Variants in CARF observed in about 807,000 individuals in gnomAD.
CARF encodes calcium-responsive transcription factor.
In CARF, 57 loss-of-function variants were observed where a neutral mutation model predicts 82.0. That is an observed-to-expected ratio of 0.70 (90% CI 0.56 to 0.87). The LOEUF is 0.87. Ranked by LOEUF, CARF falls within the 40% of genes least tolerant of loss-of-function variation. The pLI is 0.00. For synonymous variants in CARF, 268 were observed against 290.1 expected, an observed-to-expected ratio of 0.92 and a Z score of 0.77; for missense variants, 771 against 855.8, an observed-to-expected ratio of 0.90 and a Z score of 1.24.
At chr2:202,983,256 C>G (rs976842917) in intron 16 of CARF, among the ~76,000 whole-genome samples, 8 of 152,086 alleles carry the variant, frequency 5.3e-5, no homozygotes, top group African/African-American at 1.9e-4. Context: ...AGCCCAAGAC[C>G]TTCTTACCTT....
At chr2:202,974,233 C>A in intron 12 of CARF, 101 bp from the exon 13 acceptor site, 1 of 797,178 alleles carries the variant, frequency 1.3e-6, no homozygotes, top group Non-Finnish European at 1.9e-6. Context: ...ATAAACCATA[C>A]TTTATAGAAG....
chr2:202,979,373 C>A (rs975392750), intron 14 of CARF, among the ~76,000 whole-genome samples: 4 of 152,032 alleles, frequency 2.6e-5, no homozygotes, highest in Non-Finnish European at 5.9e-5. Context: ...TGGTGGGTGA[C>A]TACAGCAGTG....
intron 3 of CARF, 84 bp downstream of exon 3, chr2:202,924,499 T>C (rs1020133934): frequency 6.6e-6 from 1 of 152,202 alleles, no homozygotes; most frequent in Non-Finnish European, 1.5e-5. Context: ...TTTCTCTTGA[T>C]GTATTGATAT....
intron 5 of CARF, among the ~76,000 whole-genome samples, chr2:202,948,210 A>G (rs1049565667): frequency 1.2e-4 from 18 of 151,986 alleles, no homozygotes; most frequent in Admixed American, 6.6e-4. Context: ...CCATTGGTCT[A>G]TATGTCTGTT....
At chr2:202,957,579 T>C (rs1424674219) in intron 8 of CARF, among the ~76,000 whole-genome samples, 2 of 152,218 alleles carry the variant, frequency 1.3e-5, no homozygotes, top group Non-Finnish European at 2.9e-5. Flanking sequence ...ACATGTCTTT[T>C]CTATAAATTA....
rs892719743 is a variant in CARF, at chr2:202,954,784, C to T, written c.557+650C>T. On this transcript the variant is annotated intron_variant, in intron 7 of 16. Transcript: ENST00000438828. The stretch of plus-strand genomic sequence containing the variant: ...CAACACTTTAGAATGCCAAGGCAGG[C>T]GGATCACGAGGTCAGGAGATTGAGA... Among the ~76,000 whole-genome samples the T allele has an allele frequency of 2.3e-4, 34 of 148,678 alleles. 1 individual carries two copies. Among genetic ancestry groups the T allele is most frequent in the Admixed American group, 8.1e-4 (12 of 14,742 alleles).
At chr2:202,942,706 T>C in intron 4 of CARF, 34 bp from the exon 5 acceptor site, 1 of 1,458,332 alleles carries the variant, frequency 6.9e-7, no homozygotes, top group African/African-American at 1.4e-5. Context: ...AAAATGGTGA[T>C]AGACTGAAGT....
chr2:202,944,083 G>A (rs926672072), intron 5 of CARF, among the ~76,000 whole-genome samples: 2 of 152,168 alleles, frequency 1.3e-5, no homozygotes, highest in African/African-American at 4.8e-5. Context: ...ACATATCCTT[G>A]CTGATCTTTG....
Position 202,986,887 on chromosome 2 carries a change from T to TACAC in CARF, c.*3264_*3265insCACA, listed in dbSNP as rs1553584600. On this transcript the variant is annotated 3_prime_UTR_variant, in exon 17 of 17. Transcript: ENST00000438828. ...CTGTGCGTATATATATATATATATA[T>TACAC]ATATATATATATATATATATAGCAA... 13 of 89,550 alleles carry TACAC rather than the reference T, an allele frequency of 1.5e-4. No individual in the cohort carries two copies. The highest frequency in any genetic ancestry group is 5.7e-4 in the Admixed American group (5 of 8,720). 5.5% of individuals were successfully genotyped at this position (89,550 alleles called of 1,614,324 possible).
chr2:202,966,670 A>C (rs1158564448), intron 9 of CARF, among the ~76,000 whole-genome samples: 2 of 152,122 alleles, frequency 1.3e-5, no homozygotes, highest in Admixed American at 6.5e-5. Context: ...AGATTGCGCC[A>C]CTGTGCTCCA....
At chr2:202,932,050 A>T (rs1693036520) in intron 3 of CARF, among the ~76,000 whole-genome samples, 1 of 152,126 alleles carries the variant, frequency 6.6e-6, no homozygotes, top group African/African-American at 2.4e-5. Context: ...TGGAAGGCAA[A>T]GGGGGAACCA....
At chr2:202,962,129 C>G (rs2059347134) in intron 9 of CARF, 1 of 152,120 alleles carries the variant, frequency 6.6e-6, no homozygotes, top group South Asian at 2.1e-4. Context: ...ACCACTTCTG[C>G]CTGAGTTTCA....
At position 202,952,680 on chromosome 2, in the gene CARF, G is replaced by A. The variant is rs1012716444; in HGVS notation, c.427+1G>A. 1.9e-6 allele frequency: 3 copies of A among 1,610,688 alleles called. No individual in the cohort carries two copies. The highest frequency in any genetic ancestry group is 1.3e-5 in the African/African-American group (1 of 74,822). ...CTTGTGGATGTGAATAGTCCTCGGG[G>A]TGAGTAACAACGGGATATAGGGGAT... On this transcript the variant is annotated splice_donor_variant, in intron 6 of 16. Transcript: ENST00000438828. LOFTEE classifies it high-confidence loss of function.
rs888854170 is a variant in CARF at position 202,929,505 on chromosome 2, TTTTG to T, written c.-44+5106_-44+5109del. 7.2e-5 allele frequency among the ~76,000 whole-genome samples: 11 copies of T among 152,154 alleles called. No individual in the cohort carries two copies. The East Asian group carries it at 1.7e-3, about 24-fold the overall frequency. On this transcript the variant is annotated intron_variant, in intron 3 of 16. Transcript: ENST00000438828. ...AATCAATTGGCTGTAAGTGCGTAGA[TTTTG>T]TTTGTTTGTTTGTTTTCTATTCTCT...
intron 9 of CARF, among the ~76,000 whole-genome samples, chr2:202,966,421 A>G (rs1297498094): frequency 1.3e-5 from 2 of 152,242 alleles, no homozygotes; most frequent in Non-Finnish European, 2.9e-5. Flanking sequence ...TATAAAAACC[A>G]TATGTCAGGT....
At chr2:202,927,827 C>T (rs1333585755) in intron 3 of CARF, among the ~76,000 whole-genome samples, 2 of 146,766 alleles carry the variant, frequency 1.4e-5, no homozygotes, top group African/African-American at 2.5e-5. Context: ...GAGACAGGGT[C>T]TCACTCTTGT....
At chr2:202,961,656 C>T in intron 9 of CARF, 1 of 497,994 alleles carries the variant, frequency 2.0e-6, no homozygotes, top group South Asian at 3.7e-5. Context: ...ATATATTATA[C>T]TGAAAAATAA....
intron 1 of CARF, among the ~76,000 whole-genome samples, chr2:202,915,296 T>C (rs775228399): frequency 3.9e-5 from 6 of 151,936 alleles, no homozygotes; most frequent in Non-Finnish European, 7.4e-5. Context: ...ATTACAGGCG[T>C]GAGCCACTGT....
In CARF at chr2:202,961,275, G is replaced by A. The variant is rs1208490076; in HGVS notation, c.681G>A (p.Glu227=). The A allele has an allele frequency of 2.5e-6, 4 of 1,614,034 alleles. No homozygotes were observed. Among genetic ancestry groups the A allele is most frequent in the Admixed American group, 3.3e-5 (2 of 60,000 alleles). Residue 227 remains glutamate, a synonymous_variant, in exon 9 of 17, where the codon GAG becomes GAA. Transcript: ENST00000438828. ...GDSYRGYCVS[E]TELESVLTFH... ...CATACCGTGGCTACTGTGTAAGTGA[G>A]ACTGAATTAGAAAGTGTCCTAACAT...
Sources: gnomAD v4.1 joint callset for allele counts (sites outside exome capture counted in the v4.1 genomes callset) on GRCh38, gnomAD v4.1.1 for gene constraint, MANE v1.5 for transcripts, NCBI Gene and HGNC (gene_info 2026-07-23, HGNC 2026-07-21) for gene names.